KIAA0825: variants seen among roughly 807,000 people sequenced by gnomAD.
KIAA0825 encodes the protein KIAA0825.
KIAA0825 carries 119 observed loss-of-function variants against 147.6 expected under a neutral mutation model. That is an observed-to-expected ratio of 0.81 (90% CI 0.69 to 0.94). The LOEUF is 0.94. Ranked by LOEUF, KIAA0825 falls within the 40% of genes least tolerant of loss-of-function variation. The pLI is 0.00. For missense variants in KIAA0825, 1,381 were observed against 1,472.7 expected, an observed-to-expected ratio of 0.94 and a Z score of 1.02; for synonymous variants, 470 against 518.1, an observed-to-expected ratio of 0.91 and a Z score of 1.26.
chr5:94,338,029 G>A (rs528404734), intron 20 of KIAA0825, among the ~76,000 whole-genome samples: 2 of 152,258 alleles, frequency 1.3e-5, no homozygotes, highest in Admixed American at 6.5e-5. Context: ...GAAGTGGAAT[G>A]GTTGGAGAGA....
At chr5:94,238,279 T>C (rs1169202696) in intron 20 of KIAA0825, among the ~76,000 whole-genome samples, 2 of 152,212 alleles carry the variant, frequency 1.3e-5, no homozygotes, top group East Asian at 3.8e-4. Context: ...TCAACTTTTC[T>C]ATAGGTTTGA....
At position 94,440,096 on chromosome 5, in the gene KIAA0825, C is replaced by T. The variant is rs1756885115; in HGVS notation, c.2383G>A (p.Ala795Thr). ...LRTPSAGGLKAEGQLKLLLSQ... is the reference protein window; with the variant it reads ...LRTPSAGGLKTEGQLKLLLSQ... Reference sequence around the variant, plus strand: ...AAGAGCAGTTTCAACTGACCCTCGGCTTTCAGTCCTCCAGCTGATGGAGTC... The same window carrying T: ...AAGAGCAGTTTCAACTGACCCTCGGTTTTCAGTCCTCCAGCTGATGGAGTC... Residue 795 changes from alanine to threonine, a missense_variant, in exon 14 of 21, where the codon GCC becomes ACC. Physicochemically the swap from Ala to Thr is moderately conservative, Grantham distance 58 (BLOSUM62 0). Transcript: ENST00000682413. 1.2e-5 allele frequency: 19 copies of T among 1,551,236 alleles called. No individual in the cohort carries two copies. The highest frequency in any genetic ancestry group is 1.7e-5 in the Non-Finnish European group (19 of 1,146,742).
chr5:94,396,251 C>A lies in KIAA0825; in HGVS notation c.3146G>T (p.Gly1049Val), dbSNP rs1350901596. ...SLDRWSKEKL[G>V]LICMCLKSIM... ...GCTTTTCAAACACATACAAATTAAA[C>A]CCAATTTTTCTTTACTCCATCTGTC... is the stretch of plus-strand genomic sequence containing the variant. Residue 1049 changes from glycine (G) to valine (V), a missense_variant, in exon 17 of 21, where the codon GGT becomes GTT. Physicochemically the swap from Gly to Val is moderately radical, Grantham distance 109. Transcript: ENST00000682413. 3 of 1,551,536 alleles carry A rather than the reference C, an allele frequency of 1.9e-6. No homozygotes were observed. The East Asian group carries it at 7.3e-5, about 38-fold the overall frequency.
At chr5:94,314,914 T>G (rs1347550080) in intron 20 of KIAA0825, among the ~76,000 whole-genome samples, 1 of 151,644 alleles carries the variant, frequency 6.6e-6, no homozygotes, top group Non-Finnish European at 1.5e-5. Flanking sequence ...CTGATCAGAT[T>G]GAGCATATGA....
chr5:94,565,026 CTCTT>C (rs1264554657), intron 2 of KIAA0825, among the ~76,000 whole-genome samples: 8 of 127,420 alleles, frequency 6.3e-5, no homozygotes, highest in South Asian at 2.7e-4. Context: ...CTCTCTCTCT[CTCTT>C]TCTTTCCTCT....
chr5:94,304,418 G>C (rs1778595674), intron 20 of KIAA0825, among the ~76,000 whole-genome samples: 1 of 151,896 alleles, frequency 6.6e-6, no homozygotes, highest in Non-Finnish European at 1.5e-5. Context: ...GGTGAGGGGG[G>C]GTGACCCGTA....
At chr5:94,159,217 G>A (rs1767321649) in intron 20 of KIAA0825, among the ~76,000 whole-genome samples, 1 of 152,088 alleles carries the variant, frequency 6.6e-6, no homozygotes, top group Admixed American at 6.6e-5. Flanking sequence ...ACCTCTCCCA[G>A]ATTCCTCCCA....
chr5:94,509,974 T>C (rs1766257684), intron 5 of KIAA0825, among the ~76,000 whole-genome samples: 1 of 152,194 alleles, frequency 6.6e-6, no homozygotes, highest in Admixed American at 6.5e-5. Context: ...ATGATTATTA[T>C]AATTCATTTC....
At chr5:94,251,469 A>G (rs1775960009) in intron 20 of KIAA0825, among the ~76,000 whole-genome samples, 1 of 152,080 alleles carries the variant, frequency 6.6e-6, no homozygotes, top group African/African-American at 2.4e-5. Context: ...CATGTATGCA[A>G]AAGACTGCTT....
At chr5:94,235,713 G>A (rs549973984) in intron 20 of KIAA0825, among the ~76,000 whole-genome samples, 4 of 152,318 alleles carry the variant, frequency 2.6e-5, no homozygotes, top group African/African-American at 9.6e-5. Flanking sequence ...TCAAAGGACA[G>A]GTTGCTTCTT....
At chr5:94,581,289 GA>G (rs1429160778) in intron 2 of KIAA0825, among the ~76,000 whole-genome samples, 1 of 152,072 alleles carries the variant, frequency 6.6e-6, no homozygotes, top group Non-Finnish European at 1.5e-5. Flanking sequence ...ATCAAATACT[GA>G]AAAACAAAAA....
chr5:94,183,180 A>G (rs896280273), intron 20 of KIAA0825, among the ~76,000 whole-genome samples: 3 of 152,206 alleles, frequency 2.0e-5, no homozygotes, highest in Non-Finnish European at 1.5e-5. Context: ...AGTATTAAAT[A>G]CAAATTATCA....
At chr5:94,526,387 C>T (rs2881466) in intron 3 of KIAA0825, among the ~76,000 whole-genome samples, 22,619 of 151,836 alleles carry the variant, frequency 0.15, 2,315 homozygotes, top group African/African-American at 0.29. Flanking sequence ...AGAGCTTTAG[C>T]TATACAAGTA....
chr5:94,541,369 T>C (rs948177854), intron 2 of KIAA0825, among the ~76,000 whole-genome samples: 1 of 152,190 alleles, frequency 6.6e-6, no homozygotes, highest in Non-Finnish European at 1.5e-5. Flanking sequence ...TGAAAAACAG[T>C]CTACACGCAA....
chr5:94,435,001 G>A (rs368069672), intron 14 of KIAA0825, among the ~76,000 whole-genome samples: 5 of 152,024 alleles, frequency 3.3e-5, no homozygotes, highest in Middle Eastern at 3.4e-3. Context: ...TAAACAAAGA[G>A]AACCTTGTTT....
chr5:94,177,927 C>T (rs1769255143), intron 20 of KIAA0825, among the ~76,000 whole-genome samples: 1 of 151,982 alleles, frequency 6.6e-6, no homozygotes, highest in African/African-American at 2.4e-5. Flanking sequence ...GTGGCAAAGA[C>T]AAATTTTGGA....
intron 3 of KIAA0825, among the ~76,000 whole-genome samples, chr5:94,525,676 C>G (rs1769138243): frequency 6.6e-6 from 1 of 151,962 alleles, no homozygotes; most frequent in African/African-American, 2.4e-5. Context: ...CCTCATGTGT[C>G]TCATTCAATG....
chr5:94,378,453 A>G lies in KIAA0825; in HGVS notation c.3710+5915T>C, dbSNP rs190813138. On this transcript the variant is annotated intron_variant, in intron 20 of 20. Transcript: ENST00000682413. The stretch of plus-strand genomic sequence containing the variant: ...CATGATCTTATTCTTTTTTATGGCT[A>G]TGTAGTATTCTGTAGTGTATATATG... 1.8e-3 allele frequency among the ~76,000 whole-genome samples: 273 copies of G among 152,280 alleles called. 1 individual carries two copies. The highest frequency in any genetic ancestry group is 6.4e-3 in the African/African-American group (264 of 41,564).
chr5:94,563,922 G>A (rs186571128), intron 2 of KIAA0825, among the ~76,000 whole-genome samples: 2 of 152,254 alleles, frequency 1.3e-5, no homozygotes, highest in East Asian at 3.9e-4. Context: ...CTGACCTCAA[G>A]TGACCCACCG....
Sources: allele counts gnomAD v4.1 joint callset (sites outside exome capture counted in the v4.1 genomes callset), GRCh38; gene constraint gnomAD v4.1.1; transcripts MANE v1.5; gene names NCBI Gene and HGNC (gene_info 2026-07-23, HGNC 2026-07-21).